The following RPS6KC1 variants were observed in gnomAD, a reference collection of about 807,000 sequenced individuals.
RPS6KC1 encodes ribosomal protein S6 kinase C1.
RPS6KC1 carries 54 observed loss-of-function variants against 103.8 expected under a neutral mutation model. The ratio of observed to expected loss-of-function variants is 0.52; its 90% CI spans 0.42 to 0.65. The LOEUF is 0.65. RPS6KC1 is among the 30% of genes least tolerant of loss of function. The probability of loss-of-function intolerance (pLI) is 0.00; values close to 1 mark genes in which losing one functional copy is unlikely to be tolerated. For missense variants in RPS6KC1, 1,151 were observed against 1,253.8 expected, an observed-to-expected ratio of 0.92 and a Z score of 1.24; for synonymous variants, 439 against 438.7, an observed-to-expected ratio of 1.00 and a Z score of -0.01.
At chr1:213,629,910 C>T in the RPS6KC1 span, among the ~76,000 whole-genome samples, 4 of 152,290 alleles carry the variant, frequency 2.6e-5, no homozygotes, top group South Asian at 2.1e-4. Context: ...TGAATATTGG[C>T]CTCCACTCTC....
the RPS6KC1 span, among the ~76,000 whole-genome samples, chr1:213,513,750 A>G: frequency 6.6e-6 from 1 of 152,228 alleles, no homozygotes; most frequent in African/African-American, 2.4e-5. Context: ...ACAAAGATAT[A>G]TGATCAAAAG....
chr1:213,207,924 C>T (rs2093399413), intron 8 of RPS6KC1, among the ~76,000 whole-genome samples: 1 of 152,172 alleles, frequency 6.6e-6, no homozygotes, highest in Non-Finnish European at 1.5e-5. Flanking sequence ...CTGCCTGCCT[C>T]AGCCTCCCAA....
At chr1:213,174,782 G>A (rs1450448860) in intron 7 of RPS6KC1, among the ~76,000 whole-genome samples, 2 of 151,264 alleles carry the variant, frequency 1.3e-5, no homozygotes, top group East Asian at 3.9e-4. Context: ...GTTCCCCTTA[G>A]TTTTTAAGCT....
intron 6 of RPS6KC1, among the ~76,000 whole-genome samples, chr1:213,147,073 G>A (rs1253281379): frequency 6.6e-6 from 1 of 152,000 alleles, no homozygotes; most frequent in African/African-American, 2.4e-5. Context: ...AGTTGTTTGA[G>A]CATCTTATAT....
At chr1:213,586,221 C>T in the RPS6KC1 span, among the ~76,000 whole-genome samples, 1 of 152,204 alleles carries the variant, frequency 6.6e-6, no homozygotes, top group Non-Finnish European at 1.5e-5. Flanking sequence ...ACAAGAGGAT[C>T]TGTAAACCTC....
intron 12 of RPS6KC1, among the ~76,000 whole-genome samples, chr1:213,252,486 A>G (rs949864822): frequency 2.0e-5 from 3 of 152,214 alleles, no homozygotes; most frequent in African/African-American, 7.2e-5. Context: ...GAATTTATAG[A>G]AAGTTTAGAC....
At chr1:213,246,950 A>G (rs745374585) in intron 12 of RPS6KC1, among the ~76,000 whole-genome samples, 1 of 152,230 alleles carries the variant, frequency 6.6e-6, no homozygotes, top group South Asian at 2.1e-4. Flanking sequence ...AGACAAGTGC[A>G]TAAAATTATT....
At chr1:213,375,302 TACAC>T in the RPS6KC1 span, among the ~76,000 whole-genome samples, 3 of 151,760 alleles carry the variant, frequency 2.0e-5, no homozygotes, top group African/African-American at 7.3e-5. Context: ...CATACACACA[TACAC>T]ACATAGGCAT....
chr1:213,300,028 A>T, the RPS6KC1 span, among the ~76,000 whole-genome samples: 10 of 152,012 alleles, frequency 6.6e-5, no homozygotes, highest in African/African-American at 2.2e-4. Flanking sequence ...GATAGTCTTG[A>T]TCTCCTGACC....
At chr1:213,678,713 T>A in the RPS6KC1 span, among the ~76,000 whole-genome samples, 2 of 152,198 alleles carry the variant, frequency 1.3e-5, no homozygotes, top group East Asian at 1.9e-4. Flanking sequence ...TAATCATCAG[T>A]GAGGTTTGAT....
intron 6 of RPS6KC1, among the ~76,000 whole-genome samples, chr1:213,160,136 G>GT (rs2090319960): frequency 6.6e-6 from 1 of 152,170 alleles, no homozygotes; most frequent in Non-Finnish European, 1.5e-5. Flanking sequence ...TATTAAAACT[G>GT]TAAATCTGCC....
At chr1:213,278,049 C>T (rs1433975006), downstream of RPS6KC1, among the ~76,000 whole-genome samples, 3 of 151,830 alleles carry the variant, frequency 2.0e-5, no homozygotes, top group African/African-American at 7.3e-5. Flanking sequence ...ACAAAAAATA[C>T]AAAAATTAGC....
chr1:213,095,959 C>T (rs1055386996), intron 3 of RPS6KC1, among the ~76,000 whole-genome samples: 7 of 152,268 alleles, frequency 4.6e-5, no homozygotes, highest in Middle Eastern at 3.4e-3. Flanking sequence ...AATAAGACAA[C>T]GATGAGATTT....
chr1:213,505,583 A>G, the RPS6KC1 span, among the ~76,000 whole-genome samples: 1 of 152,212 alleles, frequency 6.6e-6, no homozygotes, highest in African/African-American at 2.4e-5. Flanking sequence ...TGGCTGACAC[A>G]TCGTAAGTGC....
chr1:213,382,312 T>C, the RPS6KC1 span, among the ~76,000 whole-genome samples: 3 of 152,224 alleles, frequency 2.0e-5, no homozygotes, highest in South Asian at 6.2e-4. Context: ...CCTGTGGGCA[T>C]CTGTCTCCGA....
At chr1:213,707,051 T>A in the RPS6KC1 span, among the ~76,000 whole-genome samples, 1 of 152,196 alleles carries the variant, frequency 6.6e-6, no homozygotes, top group Admixed American at 6.5e-5. Flanking sequence ...TATAATCCTT[T>A]GGGTATATGC....
chr1:213,623,358 T>C, the RPS6KC1 span, among the ~76,000 whole-genome samples: 1 of 152,160 alleles, frequency 6.6e-6, no homozygotes, highest in East Asian at 1.9e-4. Flanking sequence ...TCCATTTATC[T>C]CGCCATTTAA....
chr1:213,497,858 A>T, the RPS6KC1 span, among the ~76,000 whole-genome samples: 2 of 152,078 alleles, frequency 1.3e-5, no homozygotes, highest in South Asian at 4.1e-4. Context: ...AGGAATCAGG[A>T]TGAGATATAA....
chr1:213,804,196 A>C, the RPS6KC1 span, among the ~76,000 whole-genome samples: 339 of 148,088 alleles, frequency 2.3e-3, 2 homozygotes, highest in African/African-American at 7.7e-3. Context: ...AAAAAAAAAA[A>C]AACAACCCTT....
Sources: gnomAD v4.1 joint callset for allele counts (sites outside exome capture counted in the v4.1 genomes callset) on GRCh38, gnomAD v4.1.1 for gene constraint, MANE v1.5 for transcripts, NCBI Gene and HGNC (gene_info 2026-07-23, HGNC 2026-07-21) for gene names.